RBFOX1: variants seen among roughly 807,000 people sequenced by gnomAD.
RBFOX1 encodes RNA binding protein fox-1 homolog 1.
A neutral mutation model predicts 57.7 loss-of-function variants in RBFOX1; 8 were observed. The ratio of observed to expected loss-of-function variants is 0.14; its 90% CI spans 0.08 to 0.25. The LOEUF (loss-of-function observed/expected upper bound fraction) is 0.25, where lower values mean the gene tolerates loss of function less well. RBFOX1 is among the 10% of genes least tolerant of loss of function. The pLI, the probability that RBFOX1 is intolerant of heterozygous loss-of-function variation, is 1.00. For synonymous variants in RBFOX1, 326 were observed against 222.4 expected (o/e 1.47, Z -4.15); for missense variants, 611 against 548.5 (o/e 1.11, Z -1.14).
chr16:7,437,514 T>C (rs1251408484), intron 4 of RBFOX1, among the ~76,000 whole-genome samples: 1 of 152,210 alleles, frequency 6.6e-6, no homozygotes, highest in Non-Finnish European at 1.5e-5. Flanking sequence ...AGAGCCAAGC[T>C]GCAGAGTACC....
chr16:6,917,232 G>A (rs1046669814), intron 3 of RBFOX1, among the ~76,000 whole-genome samples: 2 of 152,124 alleles, frequency 1.3e-5, no homozygotes, highest in African/African-American at 4.8e-5. Flanking sequence ...TGGCCACCTT[G>A]GTCCCCGCTC....
At chr16:5,827,653 T>C (rs1407644587) in intron 3 of RBFOX1, among the ~76,000 whole-genome samples, 1 of 152,170 alleles carries the variant, frequency 6.6e-6, no homozygotes, top group Non-Finnish European at 1.5e-5. Context: ...AAGAAATGGC[T>C]GCAGCTGTTT....
At chr16:6,766,701 A>G (rs2077381566) in intron 3 of RBFOX1, among the ~76,000 whole-genome samples, 1 of 151,948 alleles carries the variant, frequency 6.6e-6, no homozygotes, top group Admixed American at 6.6e-5. Context: ...TGGACAACAC[A>G]ACTCTAGAGC....
chr16:6,546,180 C>T (rs17140577), intron 2 of RBFOX1, among the ~76,000 whole-genome samples: 1 of 152,114 alleles, frequency 6.6e-6, no homozygotes, highest in African/African-American at 2.4e-5. Flanking sequence ...CAAGCTTGGC[C>T]TAAAAACGTA....
At chr16:7,336,726 T>C (rs2096795459) in intron 4 of RBFOX1, among the ~76,000 whole-genome samples, 1 of 152,228 alleles carries the variant, frequency 6.6e-6, no homozygotes, top group Admixed American at 6.5e-5. Flanking sequence ...AATTTATTTT[T>C]ATAATAAACG....
At chr16:5,867,190 T>G (rs944766371) in intron 3 of RBFOX1, 5 of 574,404 alleles carry the variant, frequency 8.7e-6, no homozygotes, top group Non-Finnish European at 1.3e-5. Context: ...TGTTGCAACC[T>G]TTGTCCCCTC....
chr16:6,900,532 A>G (rs1398523781), intron 3 of RBFOX1, among the ~76,000 whole-genome samples: 4 of 152,262 alleles, frequency 2.6e-5, no homozygotes, highest in East Asian at 1.9e-4. Flanking sequence ...CCTTCTCTCA[A>G]CACTCATCTG....
intron 3 of RBFOX1, among the ~76,000 whole-genome samples, chr16:6,962,652 C>G (rs895079648): frequency 6.6e-6 from 1 of 152,080 alleles, no homozygotes; most frequent in African/African-American, 2.4e-5. Flanking sequence ...ATTGGTTGAA[C>G]TCAGGAGTTC....
intron 3 of RBFOX1, among the ~76,000 whole-genome samples, chr16:6,978,408 C>A (rs1237445438): frequency 6.6e-6 from 1 of 152,128 alleles, no homozygotes; most frequent in Non-Finnish European, 1.5e-5. Flanking sequence ...AGCTACCTCA[C>A]CGAACACATG....
intron 4 of RBFOX1, among the ~76,000 whole-genome samples, chr16:7,080,465 C>T (rs957444814): frequency 1.3e-5 from 2 of 152,144 alleles, no homozygotes; most frequent in African/African-American, 4.8e-5. Context: ...ATACATGTAA[C>T]AGAGCCTCAT....
intron 1 of RBFOX1, among the ~76,000 whole-genome samples, chr16:6,202,582 T>C (rs1452599777): frequency 6.6e-6 from 1 of 151,968 alleles, no homozygotes; most frequent in African/African-American, 2.4e-5. Context: ...TTCTTTCTTT[T>C]ATGCTGAAAA....
rs1037425705 is a variant in RBFOX1, at chr16:5,462,415, G to A, written c.220-4801G>A. On this transcript the variant is annotated intron_variant, in intron 1 of 2. Coordinates refer to the RBFOX1 transcript ENST00000585867. ...GATCTCCTGACCTCGTGATCCACCCGCCTCGGCCTCCCAAAGTGCTGGGAT... is the reference window on the plus strand; with the variant it reads ...GATCTCCTGACCTCGTGATCCACCCACCTCGGCCTCCCAAAGTGCTGGGAT... Among the ~76,000 whole-genome samples the A allele has an allele frequency of 5.3e-5, 8 of 151,890 alleles. No individual in the cohort carries two copies. The East Asian group carries it at 7.8e-4, about 15-fold the overall frequency.
intron 3 of RBFOX1, among the ~76,000 whole-genome samples, chr16:5,661,767 T>C (rs1394682275): frequency 1.3e-5 from 2 of 152,168 alleles, no homozygotes; most frequent in Non-Finnish European, 2.9e-5. Context: ...ATGCACTACA[T>C]TGGATTCCCA....
chr16:6,452,921 G>A (rs2094668813), intron 2 of RBFOX1, among the ~76,000 whole-genome samples: 1 of 152,158 alleles, frequency 6.6e-6, no homozygotes, highest in Non-Finnish European at 1.5e-5. Flanking sequence ...CCTAGAAGGT[G>A]CTCATTAAAT....
At chr16:6,652,577 C>T (rs896455885) in intron 2 of RBFOX1, among the ~76,000 whole-genome samples, 2 of 152,016 alleles carry the variant, frequency 1.3e-5, no homozygotes, top group South Asian at 2.1e-4. Flanking sequence ...CACCAGGAAC[C>T]CTGAGAGAGC....
intron 4 of RBFOX1, among the ~76,000 whole-genome samples, chr16:5,986,410 A>T (rs2060287327): frequency 6.6e-6 from 1 of 152,184 alleles, no homozygotes; most frequent in Admixed American, 6.5e-5. Flanking sequence ...GGCAGTTCTG[A>T]TCAGAAACTA....
intron 3 of RBFOX1, among the ~76,000 whole-genome samples, chr16:6,904,067 C>A (rs7198303): frequency 7.9e-5 from 12 of 151,878 alleles, no homozygotes; most frequent in African/African-American, 2.7e-4. Context: ...CCCATGGGGG[C>A]TGTGCGGGTA....
rs561485355 is a variant in RBFOX1, at chr16:6,360,565, A to C, written c.-64+43508A>C. ...TCTGTTTTATAGAAATGGCAATGCC[A>C]CTCAGTCTCATCCAATATTATTATG... On this transcript the variant is annotated intron_variant, in intron 2 of 15. Transcript: ENST00000550418. 4.6e-5 allele frequency among the ~76,000 whole-genome samples: 7 copies of C among 152,276 alleles called. No individual in the cohort carries two copies. In the South Asian group the frequency reaches 1.0e-3, roughly 23 times the overall value.
At chr16:7,494,432 C>G (rs999931148) in intron 4 of RBFOX1, among the ~76,000 whole-genome samples, 2 of 152,146 alleles carry the variant, frequency 1.3e-5, no homozygotes, top group African/African-American at 4.8e-5. Flanking sequence ...TCAACATGCT[C>G]CTTTCCTCCC....
Sources: gnomAD v4.1 joint callset for allele counts (sites outside exome capture counted in the v4.1 genomes callset) on GRCh38, gnomAD v4.1.1 for gene constraint, MANE v1.5 for transcripts, NCBI Gene and HGNC (gene_info 2026-07-23, HGNC 2026-07-21) for gene names.